The following MACROD2 variants were observed in gnomAD, a reference collection of about 807,000 sequenced individuals.
MACROD2 encodes mono-ADP ribosylhydrolase 2.
Under a neutral mutation model 70.4 loss-of-function variants are expected in MACROD2, and 36 were observed. That is an observed-to-expected ratio of 0.51 (90% CI 0.39 to 0.68). The LOEUF (loss-of-function observed/expected upper bound fraction) is 0.68. MACROD2 is among the 30% of genes least tolerant of loss of function. The probability of loss-of-function intolerance (pLI) is 0.00; values close to 1 mark genes in which losing one functional copy is unlikely to be tolerated. For missense variants in MACROD2, 496 were observed against 538.4 expected (o/e 0.92, Z 0.78); for synonymous variants, 172 against 178.8 (o/e 0.96, Z 0.30).
chr20:15,561,697 T>A (rs905017474), intron 8 of MACROD2, among the ~76,000 whole-genome samples: 2 of 152,184 alleles, frequency 1.3e-5, no homozygotes, highest in African/African-American at 4.8e-5. Flanking sequence ...TTGGCTTTTG[T>A]TATTTTATGC....
At chr20:14,488,288 C>T (rs1292587537) in intron 3 of MACROD2, among the ~76,000 whole-genome samples, 1 of 152,170 alleles carries the variant, frequency 6.6e-6, no homozygotes, top group African/African-American at 2.4e-5. Context: ...CTTGGGAAAG[C>T]CCCAGATTGG....
At chr20:15,490,228 C>T (rs921488984) in intron 7 of MACROD2, among the ~76,000 whole-genome samples, 2 of 103,478 alleles carry the variant, frequency 1.9e-5, no homozygotes, top group African/African-American at 3.4e-5. Context: ...TTCCTCCCTT[C>T]CTTCCTCCCT....
chr20:15,434,713 G>A (rs1026398709), intron 7 of MACROD2, among the ~76,000 whole-genome samples: 7 of 152,022 alleles, frequency 4.6e-5, no homozygotes, highest in South Asian at 2.1e-4. Context: ...AAAGACACTT[G>A]CACATGCAAG....
chr20:15,324,012 T>G (rs918767992), intron 6 of MACROD2, among the ~76,000 whole-genome samples: 8 of 152,160 alleles, frequency 5.3e-5, no homozygotes, highest in Non-Finnish European at 1.2e-4. Context: ...TGCTTGTGCT[T>G]CTTCTGTTCA....
chr20:15,973,255 GAA>G (rs2066257509), intron 13 of MACROD2, among the ~76,000 whole-genome samples: 1 of 151,654 alleles, frequency 6.6e-6, no homozygotes, highest in Admixed American at 6.6e-5. Flanking sequence ...GAGGAAGAAA[GAA>G]AAAGAGGAAA....
chr20:15,684,466 G>C (rs964334989), intron 8 of MACROD2, among the ~76,000 whole-genome samples: 1 of 152,162 alleles, frequency 6.6e-6, no homozygotes, highest in African/African-American at 2.4e-5. Flanking sequence ...AGACTAGGAC[G>C]GCTACCACAA....
intron 4 of MACROD2, among the ~76,000 whole-genome samples, chr20:14,540,515 T>G (rs2085419394): frequency 6.6e-6 from 1 of 152,134 alleles, no homozygotes; most frequent in Non-Finnish European, 1.5e-5. Context: ...ATTTCTAATT[T>G]CCATATATTT....
intron 8 of MACROD2, among the ~76,000 whole-genome samples, chr20:15,817,008 C>T (rs1346481698): frequency 1.3e-5 from 2 of 152,284 alleles, no homozygotes; most frequent in East Asian, 3.9e-4. Context: ...GTTACCTGAT[C>T]TCATGGAGTT....
chr20:15,480,757 C>T (rs1014112720), intron 7 of MACROD2, among the ~76,000 whole-genome samples: 3 of 152,040 alleles, frequency 2.0e-5, no homozygotes, highest in Non-Finnish European at 4.4e-5. Flanking sequence ...CCCTTTTTTC[C>T]CCACCTGGCT....
chr20:14,647,973 G>T (rs1178673992), intron 4 of MACROD2, among the ~76,000 whole-genome samples: 2 of 152,152 alleles, frequency 1.3e-5, no homozygotes, highest in Non-Finnish European at 2.9e-5. Flanking sequence ...ATCCAGCTAG[G>T]TAGGGCAAAA....
chr20:15,346,474 A>G (rs111306609), intron 6 of MACROD2, among the ~76,000 whole-genome samples: 20 of 152,150 alleles, frequency 1.3e-4, no homozygotes, highest in African/African-American at 4.1e-4. Context: ...AACAGCAGCG[A>G]AGTTCACATA....
intron 3 of MACROD2, among the ~76,000 whole-genome samples, chr20:14,107,157 A>C (rs1157975263): frequency 6.6e-6 from 1 of 152,236 alleles, no homozygotes; most frequent in Non-Finnish European, 1.5e-5. Flanking sequence ...TAACACAGAG[A>C]AGGAATTCAA....
chr20:15,518,022 A>G (rs2047594896), intron 8 of MACROD2, among the ~76,000 whole-genome samples: 1 of 152,272 alleles, frequency 6.6e-6, no homozygotes, highest in Non-Finnish European at 1.5e-5. Context: ...CTGGCAACAG[A>G]CATTCTTTTC....
chr20:15,414,002 T>C (rs1600377376), intron 6 of MACROD2, among the ~76,000 whole-genome samples: 2 of 152,160 alleles, frequency 1.3e-5, no homozygotes, highest in African/African-American at 4.8e-5. Context: ...CGAAGTCAAA[T>C]GGTCATTTAA....
chr20:14,707,123 T>G (rs10485775), intron 5 of MACROD2, among the ~76,000 whole-genome samples: 31,209 of 152,042 alleles, frequency 0.21, 3,774 homozygotes, highest in Non-Finnish European at 0.27. Flanking sequence ...CTGTTTGAAA[T>G]GTGTAACTTT....
At position 14,082,713 on chromosome 20, in the gene MACROD2, TAA is replaced by T. The variant is rs1472138769; in HGVS notation, c.164-2907_164-2906del. Among the ~76,000 whole-genome samples the T allele has an allele frequency of 3.6e-5, 5 of 139,084 alleles. No homozygotes were observed. In the East Asian group the frequency reaches 1.1e-3, roughly 30 times the overall value. The allele number at this position is 139,084 out of a possible 152,430, so 91.2% of individuals were successfully genotyped here. ...TGAAATGGTCTTTCTGCATTCGTGATAAGTCTGTCAATTTAATGCCTGATAGA... is the reference window on the plus strand; with the variant it reads ...TGAAATGGTCTTTCTGCATTCGTGATGTCTGTCAATTTAATGCCTGATAGA... On this transcript the variant is annotated intron_variant, in intron 2 of 17. Transcript: ENST00000684519.
chr20:15,720,190 A>G (rs1219115971), intron 8 of MACROD2, among the ~76,000 whole-genome samples: 1 of 152,186 alleles, frequency 6.6e-6, no homozygotes, highest in African/African-American at 2.4e-5. Flanking sequence ...TTCTTTATTC[A>G]TTCATCTGTT....
At position 16,049,819 on chromosome 20, in the gene MACROD2, T is replaced by C; in HGVS notation, c.1301-11T>C. The C allele has an allele frequency of 6.2e-7, 1 of 1,613,352 alleles. No individual in the cohort carries two copies. The highest frequency in any genetic ancestry group is 8.5e-7 in the Non-Finnish European group (1 of 1,179,544). On this transcript the variant is annotated splice_polypyrimidine_tract_variant and intron_variant, in intron 17 of 17. Coordinates refer to ENST00000684519, the MANE Select transcript of MACROD2 (RefSeq NM_001351661.2). ...TCTTTAATCTAACAAATGGCTTCTC[T>C]TTGTCTTCAGCAGGGGCACAAGATG...
intron 5 of MACROD2, among the ~76,000 whole-genome samples, chr20:14,688,752 T>A (rs2071030585): frequency 6.6e-6 from 1 of 152,190 alleles, no homozygotes; most frequent in Admixed American, 6.5e-5. Flanking sequence ...TTCCGCCAAG[T>A]AGTCAGCTTC....
Sources: gnomAD v4.1 joint callset for allele counts (sites outside exome capture counted in the v4.1 genomes callset) on GRCh38, gnomAD v4.1.1 for gene constraint, MANE v1.5 for transcripts, NCBI Gene and HGNC (gene_info 2026-07-23, HGNC 2026-07-21) for gene names.